RBM15: variants seen among roughly 807,000 people sequenced by gnomAD.
RBM15 encodes the protein RNA binding motif protein 15, also known as RNA-binding protein 15.
In RBM15, 8 loss-of-function variants were observed where a neutral mutation model predicts 62.6. That is an observed-to-expected ratio of 0.13 (90% confidence interval 0.07 to 0.23). The LOEUF (loss-of-function observed/expected upper bound fraction) is 0.23, where lower values mean the gene tolerates loss of function less well. Ranked by LOEUF, RBM15 falls within the 10% of genes least tolerant of loss-of-function variation. The pLI is 1.00. For synonymous variants in RBM15, 606 were observed against 505.7 expected, an observed-to-expected ratio of 1.20 and a Z score of -2.66; for missense variants, 1,144 against 1,286.5, an observed-to-expected ratio of 0.89 and a Z score of 1.69.
rs1660723561 is a variant in RBM15, at chr1:110,339,570, C to T, written c.165C>T (p.Ala55=). ...MKGKERSPVK[A]KRSRGGEDST... Reference sequence around the variant, plus strand: ...GAAAAGAGCGCTCGCCAGTGAAGGCCAAACGCTCCCGTGGTGGTGAGGACT... The same window carrying T: ...GAAAAGAGCGCTCGCCAGTGAAGGCTAAACGCTCCCGTGGTGGTGAGGACT... Residue 55 remains alanine (A), a synonymous_variant, in exon 1 of 3, where the codon GCC becomes GCT. Transcript: ENST00000369784. 6.2e-7 allele frequency: 1 copy of T among 1,605,304 alleles called. No homozygotes were observed. Among genetic ancestry groups the T allele is most frequent in the Non-Finnish European group, 8.5e-7 (1 of 1,173,474 alleles).
chr1:110,344,227 G>A (rs1473061140), intron 1 of RBM15, among the ~76,000 whole-genome samples: 2 of 152,158 alleles, frequency 1.3e-5, no homozygotes, highest in African/African-American at 4.8e-5. Flanking sequence ...AGTATAATTT[G>A]TGGCCAGCTA....
rs757838412 is a variant in RBM15, at chr1:110,339,901, G to A, written c.496G>A (p.Gly166Ser). 5.0e-6 allele frequency: 8 copies of A among 1,605,322 alleles called. No homozygotes were observed. The highest frequency in any genetic ancestry group is 6.8e-6 in the Non-Finnish European group (8 of 1,172,862). ...CTCCTCAGCTCCCGGCGGCGGGGAC[G>A]GCGCGGAATACAAGACTCTGAAGAT... ...AASSAPGGGD[G>S]AEYKTLKISE... The change falls in exon 1 of 3, where the codon GGC becomes AGC. Residue 166 changes from glycine to serine, a missense_variant. Coordinates refer to ENST00000369784, the MANE Select transcript of RBM15 (RefSeq NM_022768.5).
chr1:110,341,279 G>T lies in RBM15; in HGVS notation c.1874G>T (p.Arg625Leu), dbSNP rs776343915. 2 of 1,613,998 alleles carry T rather than the reference G, an allele frequency of 1.2e-6. No homozygotes were observed. Among genetic ancestry groups the T allele is most frequent in the Non-Finnish European group, 1.7e-6 (2 of 1,180,030 alleles). The change falls in exon 1 of 3, where the codon CGG becomes CTG. Residue 625 changes from arginine to leucine, a missense_variant. Physicochemically the swap from Arg to Leu is moderately radical, Grantham distance 102. Transcript: ENST00000369784. This position sits in a 1 kb window ranked among gnomAD's most constrained non-coding sequence, Gnocchi z 4.5. The part of the protein sequence containing the change: ...DRRRDGWSLD[R>L]DRGDRDLPSS... Reference sequence around the variant, plus strand: ...AGGCGGGATGGTTGGTCCTTGGACCGGGACAGAGGTGATCGAGATCTGCCC... The same window carrying T: ...AGGCGGGATGGTTGGTCCTTGGACCTGGACAGAGGTGATCGAGATCTGCCC...
rs538162130 is a variant in RBM15 at position 110,339,795 on chromosome 1, C to T, written c.390C>T (p.Ser130=). ...SSRLHSYSSP[S]TKNSSGGGES... Reference sequence around the variant, plus strand: ...GCTTGCATAGTTATAGCTCCCCGAGCACCAAAAATTCTTCGGGCGGGGGCG... The same window carrying T: ...GCTTGCATAGTTATAGCTCCCCGAGTACCAAAAATTCTTCGGGCGGGGGCG... Residue 130 remains serine, a synonymous_variant, in exon 1 of 3, where the codon AGC becomes AGT. Transcript: ENST00000369784. 2.5e-6 allele frequency: 4 copies of T among 1,602,428 alleles called. No homozygotes were observed. The highest frequency in any genetic ancestry group is 1.3e-5 in the African/African-American group (1 of 74,750).
Position 110,341,047 on chromosome 1 carries a change from C to G in RBM15, c.1642C>G (p.Leu548Val), listed in dbSNP as rs993293567. The G allele has an allele frequency of 1.2e-6, 2 of 1,614,106 alleles. No homozygotes were observed. The highest frequency in any genetic ancestry group is 1.7e-5 in the Admixed American group (1 of 60,012). The stretch of plus-strand genomic sequence containing the variant: ...GCCTCTGCCCTTGACTCATTATGAG[C>G]TGGTGACAGATGCTTTTGGACATCG... The part of the protein sequence containing the change: ...LQPLPLTHYE[L>V]VTDAFGHRAP... Residue 548 changes from leucine (L) to valine (V), a missense_variant, in exon 1 of 3, where the codon CTG becomes GTG. By Grantham distance (32) the Leu-to-Val change is conservative. Transcript: ENST00000369784. This position sits in a 1 kb window ranked among gnomAD's most constrained non-coding sequence, Gnocchi z 4.5.
At position 110,341,720 on chromosome 1, in the gene RBM15, G is replaced by A. The variant is rs532284882; in HGVS notation, c.2315G>A (p.Gly772Glu). The A allele has an allele frequency of 1.2e-6, 2 of 1,614,154 alleles. No homozygotes were observed. The highest frequency in any genetic ancestry group is 1.3e-5 in the African/African-American group (1 of 75,044). The change falls in exon 1 of 3, where the codon GGG (glycine) becomes GAG (glutamate). Residue 772 changes from glycine (G) to glutamate (E), a missense_variant. Transcript: ENST00000369784. This position sits in a 1 kb window ranked among gnomAD's most constrained non-coding sequence, Gnocchi z 4.5. ...KLKSPSQKQDGGTAPVASASP... is the reference protein window; with the variant it reads ...KLKSPSQKQDEGTAPVASASP... ...AAGTCCCCGTCCCAGAAACAGGATG[G>A]GGGGACAGCCCCTGTGGCATCAGCC...
Position 110,339,972 on chromosome 1 carries a change from C to T in RBM15, c.567C>T (p.Gly189=). ...TTAGTGACGAAGCGGTGGAGGACGG[C>T]CTGTTTCATGAGTTCAAACGCTTCG... ...SQLSDEAVED[G]LFHEFKRFGD... is the part of the protein sequence containing the mutation. The change falls in exon 1 of 3, where the codon GGC becomes GGT. Residue 189 remains glycine (G), a synonymous_variant. Transcript: ENST00000369784. The T allele has an allele frequency of 6.2e-7, 1 of 1,613,944 alleles. No homozygotes were observed. Among genetic ancestry groups the T allele is most frequent in the Non-Finnish European group, 8.5e-7 (1 of 1,179,926 alleles).
Position 110,341,562 on chromosome 1 carries a change from T to G in RBM15, c.2157T>G (p.Arg719=). 6.2e-7 allele frequency: 1 copy of G among 1,613,932 alleles called. No individual in the cohort carries two copies. Among genetic ancestry groups the G allele is most frequent in the Admixed American group, 1.7e-5 (1 of 60,016 alleles). ...AGAGCCAGGGTGACAAGCGAGACCGTAAAAACTCTGCATCAGCTGAACGAG... is the reference window on the plus strand; with the variant it reads ...AGAGCCAGGGTGACAAGCGAGACCGGAAAAACTCTGCATCAGCTGAACGAG... ...LEKSQGDKRD[R]KNSASAERDR... Residue 719 remains arginine, a synonymous_variant, in exon 1 of 3, where the codon CGT becomes CGG. Coordinates refer to ENST00000369784, the MANE Select transcript of RBM15 (RefSeq NM_022768.5). This position sits in a 1 kb window ranked among gnomAD's most constrained non-coding sequence, Gnocchi z 4.5.
rs1478789319 is a variant in RBM15, at chr1:110,340,196, A to T, written c.791A>T (p.Asp264Val). ...CGCAGCCGCTCCCCTTTAGACAAAG[A>T]TACTTATCCTCCATCAGCCAGTGTG... The part of the protein sequence containing the change: ...RRRSRSPLDK[D>V]TYPPSASVVG... Residue 264 changes from aspartate (D) to valine (V), a missense_variant, in exon 1 of 3, where the codon GAT becomes GTT. Physicochemically the swap from Asp to Val is radical, Grantham distance 152 (BLOSUM62 -3). Around this residue, in one of 8 missense-constraint regions of RBM15, gnomAD observed 188 missense variants for 185.6 expected, o/e 1.01. Coordinates refer to ENST00000369784, the MANE Select transcript of RBM15 (RefSeq NM_022768.5). This position sits in a 1 kb window ranked among gnomAD's most constrained non-coding sequence, Gnocchi z 5.8. The T allele has an allele frequency of 1.2e-6, 2 of 1,614,126 alleles. No homozygotes were observed. Among genetic ancestry groups the T allele is most frequent in the Non-Finnish European group, 8.5e-7 (1 of 1,179,972 alleles).
In RBM15 at chr1:110,340,810, G is replaced by C. The variant is rs1660779007; in HGVS notation, c.1405G>C (p.Ala469Pro). ...VGGLGPWVPL[A>P]ALAREFDRFG... ...AGGCCTGGGACCTTGGGTTCCTCTT[G>C]CTGCCCTGGCACGAGAATTTGATCG... The change falls in exon 1 of 3, where the codon GCT becomes CCT. Residue 469 changes from alanine to proline, a missense_variant. This residue lies in a region of RBM15 where 105 missense variants were observed against 193.6 expected (regional missense o/e 0.54). Coordinates refer to ENST00000369784, the MANE Select transcript of RBM15 (RefSeq NM_022768.5). This position sits in a 1 kb window ranked among gnomAD's most constrained non-coding sequence, Gnocchi z 5.8. The C allele has an allele frequency of 6.2e-7, 1 of 1,614,148 alleles. No individual in the cohort carries two copies.
intron 1 of RBM15, among the ~76,000 whole-genome samples, chr1:110,343,688 T>G (rs928707591): frequency 2.6e-5 from 4 of 152,150 alleles, no homozygotes; most frequent in Admixed American, 1.3e-4. Flanking sequence ...GCTGAAGACT[T>G]CAGCTAAGGC....
At position 110,341,976 on chromosome 1, in the gene RBM15, T is replaced by C; in HGVS notation, c.2571T>C (p.Tyr857=). ...TCAAAGTAGCAGGGCCCAATGGTTA[T>C]GCCATTCTTTTGGCTGTGCCTGGAA... ...RRIKVAGPNG[Y]AILLAVPGSS... The change falls in exon 1 of 3, where the codon TAT becomes TAC. Residue 857 remains tyrosine, a synonymous_variant. Coordinates refer to ENST00000369784, the MANE Select transcript of RBM15 (RefSeq NM_022768.5). This position sits in a 1 kb window ranked among gnomAD's most constrained non-coding sequence, Gnocchi z 4.5. 2 of 1,614,240 alleles carry C rather than the reference T, an allele frequency of 1.2e-6. No homozygotes were observed. Among genetic ancestry groups the C allele is most frequent in the Non-Finnish European group, 1.7e-6 (2 of 1,180,038 alleles).
chr1:110,342,592 T>TA (rs950681484), intron 1 of RBM15: 2 of 298,688 alleles, frequency 6.7e-6, no homozygotes, highest in Non-Finnish European at 1.2e-5. Flanking sequence ...ATCTTGAGCT[T>TA]AAAAAATCCT....
rs1204688250 is a variant in RBM15, at chr1:110,339,529, C to T, written c.124C>T (p.Pro42Ser). 3.1e-6 allele frequency: 5 copies of T among 1,602,654 alleles called. No homozygotes were observed. Among genetic ancestry groups the T allele is most frequent in the African/African-American group, 1.3e-5 (1 of 74,830 alleles). Reference protein sequence around the residue: ...TQLRGDDLRRPATMKGKERSP... With the variant: ...TQLRGDDLRRSATMKGKERSP... ...GCTCCGCGGAGACGACCTCCGACGACCCGCAACAATGAAGGGAAAAGAGCG... is the reference window on the plus strand; with the variant it reads ...GCTCCGCGGAGACGACCTCCGACGATCCGCAACAATGAAGGGAAAAGAGCG... The change falls in exon 1 of 3, where the codon CCC becomes TCC. Residue 42 changes from proline (P) to serine (S), a missense_variant. Pro to Ser is a moderately conservative substitution (Grantham distance 74). This residue lies in a region of RBM15 where 298 missense variants were observed against 250.0 expected (regional missense o/e 1.19). Coordinates refer to ENST00000369784, the MANE Select transcript of RBM15 (RefSeq NM_022768.5).
At chr1:110,344,451 CTG>C (rs952501491) in intron 1 of RBM15, among the ~76,000 whole-genome samples, 4 of 151,816 alleles carry the variant, frequency 2.6e-5, no homozygotes, top group African/African-American at 9.7e-5. Flanking sequence ...CAGAAGAGTA[CTG>C]TGTTTTTGCT....
At chr1:110,345,481 A>T in intron 1 of RBM15, 58 bp from the exon 2 acceptor site, 1 of 1,224,040 alleles carries the variant, frequency 8.2e-7, no homozygotes, top group Non-Finnish European at 1.2e-6. Context: ...ATGACCTTTT[A>T]TGTGAAAAAA....
intron 1 of RBM15, among the ~76,000 whole-genome samples, chr1:110,344,840 T>G (rs1467272410): frequency 6.6e-6 from 1 of 152,178 alleles, no homozygotes; most frequent in East Asian, 1.9e-4. Context: ...ATGTAGTTGA[T>G]TTTTCTGGAA....
chr1:110,342,367 T>C (rs1352108399), intron 1 of RBM15, 99 bp downstream of exon 1: 6 of 944,182 alleles, frequency 6.4e-6, no homozygotes, highest in Non-Finnish European at 6.1e-6. Flanking sequence ...CAATTTTCTT[T>C]TTAGTTGTTA....
At position 110,340,407 on chromosome 1, in the gene RBM15, G is replaced by T. The variant is rs774676880; in HGVS notation, c.1002G>T (p.Pro334=). The T allele has an allele frequency of 6.2e-7, 1 of 1,614,198 alleles. No individual in the cohort carries two copies. Residue 334 remains proline, a synonymous_variant, in exon 1 of 3, where the codon CCG becomes CCT. Coordinates refer to ENST00000369784, the MANE Select transcript of RBM15 (RefSeq NM_022768.5). The surrounding 1 kb of genome is among the most constrained non-coding windows in gnomAD (Gnocchi z 5.8). ...PRDLERERDY[P]FYERVRPAYS... ...ACCTGGAGAGAGAAAGAGACTACCC[G>T]TTCTATGAGAGAGTGCGCCCTGCAT...
Sources: gnomAD v4.1 joint callset for allele counts (sites outside exome capture counted in the v4.1 genomes callset) on GRCh38, gnomAD v4.1.1 for gene constraint, gnomAD v4.1.1 regional missense constraint, Gnocchi (gnomAD v3.1) non-coding constraint, MANE v1.5 for transcripts, NCBI Gene and HGNC (gene_info 2026-07-23, HGNC 2026-07-21) for gene names.